The following DENR variants were observed in gnomAD, a reference collection of about 807,000 sequenced individuals.
DENR encodes density-regulated protein.
DENR carries 6 observed loss-of-function variants against 30.6 expected under a neutral mutation model. The ratio of observed to expected loss-of-function variants is 0.20; its 90% CI spans 0.11 to 0.39. The LOEUF (loss-of-function observed/expected upper bound fraction) is 0.39, where lower values mean the gene tolerates loss of function less well. Among genes scored for constraint, DENR ranks in the 10% least tolerant of loss-of-function variants. DENR has a pLI of 1.00. For missense variants in DENR, 141 were observed against 230.9 expected, an observed-to-expected ratio of 0.61 and a Z score of 2.52; for synonymous variants, 78 against 72.1, an observed-to-expected ratio of 1.08 and a Z score of -0.41.
chr12:122,757,596 C>T (rs1346728026), intron 2 of DENR, among the ~76,000 whole-genome samples: 1 of 152,144 alleles, frequency 6.6e-6, no homozygotes, highest in African/African-American at 2.4e-5. Flanking sequence ...GGATTAAAAT[C>T]CAAGACAAGC....
At chr12:122,768,724 A>G (rs747814276) in intron 6 of DENR, 58 bp from the exon 7 acceptor site, 25 of 1,433,500 alleles carry the variant, frequency 1.7e-5, no homozygotes, top group Non-Finnish European at 2.2e-5. Context: ...CAAAATGGAA[A>G]AACATCTTTG....
chr12:122,765,008 A>G (rs553421451), intron 4 of DENR, among the ~76,000 whole-genome samples: 2 of 152,320 alleles, frequency 1.3e-5, no homozygotes, highest in Admixed American at 6.5e-5. Context: ...GTAAGTTTAG[A>G]TGCTAGAGCA....
At position 122,760,701 on chromosome 12, in the gene DENR, G is replaced by A. The variant is rs1000323860; in HGVS notation, c.107-1486G>A. On this transcript the variant is annotated intron_variant, in intron 2 of 7. Transcript: ENST00000280557. The stretch of plus-strand genomic sequence containing the variant: ...AGCCGAGATAGTGCTACTGCAGTCC[G>A]GCCTGGGTGAAAGAGCAAGACTCCG... 2.6e-5 allele frequency among the ~76,000 whole-genome samples: 4 copies of A among 152,162 alleles called. No homozygotes were observed. In the South Asian group the frequency reaches 6.2e-4, roughly 24 times the overall value.
chr12:122,768,497 C>CA (rs555107397), intron 6 of DENR, among the ~76,000 whole-genome samples: 20,149 of 142,824 alleles, frequency 0.14, 1,873 homozygotes, highest in East Asian at 0.28. Context: ...GACTCCGTCT[C>CA]AAAAAAAAAA....
intron 4 of DENR, among the ~76,000 whole-genome samples, chr12:122,765,029 G>A (rs960685080): frequency 3.3e-5 from 5 of 152,170 alleles, no homozygotes; most frequent in African/African-American, 1.2e-4. Context: ...CTCCTGCAGA[G>A]CCCAAGTGTT....
rs1254615461 is a variant in DENR at position 122,758,814 on chromosome 12, AAAG to A, written c.107-3369_107-3367del. ...GTGAGACTGTCTCTTTAACAAAAAAAAAGAAGCTGGAGTCTAGAGGCTTAATTT... is the reference window on the plus strand; with the variant it reads ...GTGAGACTGTCTCTTTAACAAAAAAAAAGCTGGAGTCTAGAGGCTTAATTT... On this transcript the variant is annotated intron_variant, in intron 2 of 7. Coordinates refer to ENST00000280557, the MANE Select transcript of DENR (RefSeq NM_003677.5). Among the ~76,000 whole-genome samples, 4 of 151,736 alleles carry A rather than the reference AAAG, an allele frequency of 2.6e-5. 1 individual carries two copies. Among genetic ancestry groups the A allele is most frequent in the African/African-American group, 7.3e-5 (3 of 41,278 alleles).
chr12:122,765,082 T>C (rs545948832), intron 4 of DENR, among the ~76,000 whole-genome samples: 14 of 152,256 alleles, frequency 9.2e-5, no homozygotes, highest in Admixed American at 5.2e-4. Context: ...CCCTCACATA[T>C]CAAAAGACTG....
intron 4 of DENR, chr12:122,763,141 C>T: frequency 2.4e-6 from 1 of 411,962 alleles, no homozygotes; most frequent in East Asian, 5.2e-5. Flanking sequence ...GTGGCTCACA[C>T]CTATAATCCT....
At position 122,762,164 on chromosome 12, in the gene DENR, C is replaced by T. The variant is rs73413694; in HGVS notation, c.107-23C>T. The stretch of plus-strand genomic sequence containing the variant: ...TACATATAGGTTTAACATTTCAAAT[C>T]TTTTTTCTTTTTACTTCCTCAGTCT... On this transcript the variant is annotated intron_variant, in intron 2 of 7. Transcript: ENST00000280557. 5,473 of 1,401,992 alleles carry T rather than the reference C, an allele frequency of 3.9e-3. 151 individuals are homozygous for T. In the African/African-American group the frequency reaches 0.064, roughly 17 times the overall value. The allele number at this position is 1,401,992 out of a possible 1,614,324, so 86.8% of individuals were successfully genotyped here.
At chr12:122,762,090 G>T in intron 2 of DENR, 97 bp from the exon 3 acceptor site, 1 of 794,080 alleles carries the variant, frequency 1.3e-6, no homozygotes, top group Non-Finnish European at 1.9e-6. Flanking sequence ...ATGTAAAAAT[G>T]AAGCATTTTC....
At chr12:122,761,726 C>G (rs759197058) in intron 2 of DENR, among the ~76,000 whole-genome samples, 1 of 151,986 alleles carries the variant, frequency 6.6e-6, no homozygotes, top group Admixed American at 6.6e-5. Context: ...GTGGGAGGAT[C>G]ATTTGAGCCC....
intron 6 of DENR, 25 bp downstream of exon 6, chr12:122,767,629 A>G: frequency 7.5e-7 from 1 of 1,325,444 alleles, no homozygotes; most frequent in Non-Finnish European, 1.0e-6. Flanking sequence ...AAGTATATTT[A>G]AAATGTGTGA....
At chr12:122,758,730 A>G (rs1593760396) in intron 2 of DENR, among the ~76,000 whole-genome samples, 1 of 152,160 alleles carries the variant, frequency 6.6e-6, no homozygotes, top group South Asian at 2.1e-4. Context: ...ACTTAAGCCC[A>G]GGAGTTCAAG....
In DENR at chr12:122,769,155, T is replaced by C; in HGVS notation, c.*77T>C. ...AAAGGGAGAGAGGCCTTTTAAAATA[T>C]ATATATATATACACATATATATGTA... On this transcript the variant is annotated 3_prime_UTR_variant, in exon 8 of 8. Coordinates refer to ENST00000280557, the MANE Select transcript of DENR (RefSeq NM_003677.5). 4 of 1,351,858 alleles carry C rather than the reference T, an allele frequency of 3.0e-6. No homozygotes were observed. Among genetic ancestry groups the C allele is most frequent in the Non-Finnish European group, 3.9e-6 (4 of 1,015,614 alleles). 83.7% of individuals were successfully genotyped at this position (1,351,858 alleles called of 1,614,324 possible).
In DENR at chr12:122,765,033, A is replaced by G. The variant is rs146566720; in HGVS notation, c.212-271A>G. On this transcript the variant is annotated intron_variant, in intron 4 of 7. Coordinates refer to ENST00000280557, the MANE Select transcript of DENR (RefSeq NM_003677.5). ...ATGCTAGAGCACTCCTGCAGAGCCCAAGTGTTCTATGCTCCTTTCCTGTGG... is the reference window on the plus strand; with the variant it reads ...ATGCTAGAGCACTCCTGCAGAGCCCGAGTGTTCTATGCTCCTTTCCTGTGG... 3.7e-4 allele frequency among the ~76,000 whole-genome samples: 57 copies of G among 152,322 alleles called. 1 individual carries two copies. The highest frequency in any genetic ancestry group is 1.3e-3 in the African/African-American group (53 of 41,574).
In DENR at chr12:122,762,872, A is replaced by C; in HGVS notation, c.154A>C (p.Lys52Gln). The C allele has an allele frequency of 6.5e-7, 1 of 1,549,478 alleles. No homozygotes were observed. Among genetic ancestry groups the C allele is most frequent in the African/African-American group, 1.4e-5 (1 of 73,090 alleles). The change falls in exon 4 of 8, where the codon AAA becomes CAA. Residue 52 changes from lysine (K) to glutamine (Q), a missense_variant. Lys to Gln is a moderately conservative substitution (Grantham distance 53). Coordinates refer to ENST00000280557, the MANE Select transcript of DENR (RefSeq NM_003677.5). ...CTGTGAATATATGCCTGATGTTGCT[A>C]AATGTAGACAATGGTTAGAGAAGAA... The part of the protein sequence containing the change: ...EYCEYMPDVA[K>Q]CRQWLEKNFP...
Position 122,770,952 on chromosome 12 carries a change from T to G in DENR, c.*1874T>G, listed in dbSNP as rs570395450. 298 of 386,324 alleles carry G rather than the reference T, an allele frequency of 7.7e-4. 1 individual carries two copies. The highest frequency in any genetic ancestry group is 1.2e-3 in the Non-Finnish European group (256 of 218,976). The allele number at this position is 386,324 out of a possible 1,614,324, so 23.9% of individuals were successfully genotyped here. ...GTGCCTGTATCAACATGTGACTTCATGTAAAGTTTCTTTGTGTTCACAGTT... is the reference window on the plus strand; with the variant it reads ...GTGCCTGTATCAACATGTGACTTCAGGTAAAGTTTCTTTGTGTTCACAGTT... On this transcript the variant is annotated 3_prime_UTR_variant, in exon 8 of 8. Transcript: ENST00000280557.
At chr12:122,767,655 T>C in intron 6 of DENR, 51 bp downstream of exon 6, 2 of 1,073,338 alleles carry the variant, frequency 1.9e-6, no homozygotes, top group South Asian at 3.2e-5. Flanking sequence ...TTTCTCTCTC[T>C]GTCTCCCTCT....
chr12:122,753,627 G>A (rs1451719810), intron 1 of DENR, 66 bp from the exon 2 acceptor site: 2 of 1,272,094 alleles, frequency 1.6e-6, no homozygotes, highest in Non-Finnish European at 2.3e-6. Flanking sequence ...TCTGTTGAGA[G>A]GAACACTGCT....
Sources: gnomAD v4.1 joint callset for allele counts (sites outside exome capture counted in the v4.1 genomes callset) on GRCh38, gnomAD v4.1.1 for gene constraint, MANE v1.5 for transcripts, NCBI Gene and HGNC (gene_info 2026-07-23, HGNC 2026-07-21) for gene names.